RIN2: variants seen among roughly 807,000 people sequenced by gnomAD.
RIN2 encodes Ras and Rab interactor 2.
Under a neutral mutation model 78.0 loss-of-function variants are expected in RIN2, and 36 were observed. The observed-to-expected ratio is 0.46, with a 90% CI of 0.35 to 0.61. The LOEUF (loss-of-function observed/expected upper bound fraction) is 0.61. RIN2 is among the 20% of genes least tolerant of loss of function. The probability of loss-of-function intolerance (pLI) is 0.00; values close to 1 mark genes in which losing one functional copy is unlikely to be tolerated. For synonymous variants in RIN2, 466 were observed against 466.8 expected (o/e 1.00, Z 0.02); for missense variants, 1,087 against 1,159.7 (o/e 0.94, Z 0.91).
intron 2 of RIN2, among the ~76,000 whole-genome samples, chr20:19,876,621 C>A (rs1403875483): frequency 2.0e-5 from 3 of 152,068 alleles, no homozygotes; most frequent in African/African-American, 7.2e-5. Context: ...ATACCACATA[C>A]CGGCTGGGTG....
At chr20:19,820,437 CCT>C (rs1435832074) in intron 2 of RIN2, among the ~76,000 whole-genome samples, 3 of 152,138 alleles carry the variant, frequency 2.0e-5, no homozygotes, top group Non-Finnish European at 4.4e-5. Flanking sequence ...CCTTAAACCC[CCT>C]CAAAACACAG....
At chr20:19,993,790 CTTT>C (rs34144268) in intron 11 of RIN2, among the ~76,000 whole-genome samples, 8,342 of 152,186 alleles carry the variant, frequency 0.055, 669 homozygotes, top group African/African-American at 0.17. Flanking sequence ...ACATAGCATG[CTTT>C]CCTTCCTTCC....
intron 2 of RIN2, among the ~76,000 whole-genome samples, chr20:19,846,366 A>T (rs1209835382): frequency 6.6e-6 from 1 of 152,102 alleles, no homozygotes. Flanking sequence ...ATGAGCATGG[A>T]ATGTTTTTCC....
At chr20:19,855,820 A>G (rs996445569) in intron 2 of RIN2, among the ~76,000 whole-genome samples, 11 of 152,332 alleles carry the variant, frequency 7.2e-5, no homozygotes, top group African/African-American at 2.2e-4. Context: ...TCACGCTTGT[A>G]ATCCTAGCAC....
chr20:19,855,747 C>T (rs559845001), intron 2 of RIN2, among the ~76,000 whole-genome samples: 174 of 152,204 alleles, frequency 1.1e-3, no homozygotes, highest in African/African-American at 3.9e-3. Context: ...AAACTGACAC[C>T]GGAGGCTTGG....
intron 3 of RIN2, among the ~76,000 whole-genome samples, chr20:19,925,443 G>T (rs2146074871): frequency 6.6e-6 from 1 of 152,228 alleles, no homozygotes; most frequent in East Asian, 1.9e-4. Flanking sequence ...TTGAAAACTT[G>T]GATAAATTTG....
intron 3 of RIN2, among the ~76,000 whole-genome samples, chr20:19,930,418 G>A (rs778222379): frequency 7.9e-5 from 12 of 152,180 alleles, no homozygotes; most frequent in Non-Finnish European, 1.3e-4. Context: ...CAACAGCATC[G>A]GCAAGAGCGG....
chr20:19,815,082 T>C (rs1373142544), intron 2 of RIN2, among the ~76,000 whole-genome samples: 1 of 152,234 alleles, frequency 6.6e-6, no homozygotes, highest in Non-Finnish European at 1.5e-5. Flanking sequence ...CTCTATGGCT[T>C]TCTGCAGTAT....
chr20:19,934,421 G>T, intron 3 of RIN2: 1 of 959,178 alleles, frequency 1.0e-6, no homozygotes, highest in Non-Finnish European at 1.2e-6. Flanking sequence ...TGAAGGGTCA[G>T]ATGCAGGTGC....
intron 2 of RIN2, among the ~76,000 whole-genome samples, chr20:19,858,679 C>T (rs890040880): frequency 6.6e-6 from 1 of 152,184 alleles, no homozygotes; most frequent in Non-Finnish European, 1.5e-5. Context: ...GGAAATGAAA[C>T]CTCCATTTGG....
chr20:19,848,333 G>C (rs1351367960), intron 2 of RIN2, among the ~76,000 whole-genome samples: 1 of 151,964 alleles, frequency 6.6e-6, no homozygotes, highest in Non-Finnish European at 1.5e-5. Context: ...AGGAGATCGA[G>C]ACCATCCTGG....
intron 7 of RIN2, among the ~76,000 whole-genome samples, chr20:19,969,378 C>G (rs1380061205): frequency 6.6e-6 from 1 of 152,290 alleles, no homozygotes; most frequent in Non-Finnish European, 1.5e-5. Context: ...ACCCTCCCCA[C>G]CCCAGGGCCT....
At chr20:19,799,336 G>A (rs1346935636) in intron 1 of RIN2, among the ~76,000 whole-genome samples, 1 of 152,246 alleles carries the variant, frequency 6.6e-6, no homozygotes, top group Non-Finnish European at 1.5e-5. Context: ...TGGTGGGGAA[G>A]ACAGGATGCT....
Position 19,835,460 on chromosome 20 carries a change from T to C in RIN2, c.-37+35713T>C, listed in dbSNP as rs559175881. Among the ~76,000 whole-genome samples, 6 of 152,362 alleles carry C rather than the reference T, an allele frequency of 3.9e-5. No homozygotes were observed. In the East Asian group the frequency reaches 1.2e-3, roughly 29 times the overall value. ...TCTTCAATAACAATCATTATATTACTTTAAACGAGATCAGATAAAAAAGGA... is the reference window on the plus strand; with the variant it reads ...TCTTCAATAACAATCATTATATTACCTTAAACGAGATCAGATAAAAAAGGA... On this transcript the variant is annotated intron_variant, in intron 2 of 12. Transcript: ENST00000255006.
At chr20:19,841,962 G>T (rs778297747) in intron 2 of RIN2, among the ~76,000 whole-genome samples, 7 of 152,180 alleles carry the variant, frequency 4.6e-5, no homozygotes, top group Non-Finnish European at 1.0e-4. Flanking sequence ...GCCTTTTGTT[G>T]GAAGAAGATG....
intron 2 of RIN2, chr20:19,823,809 G>A: frequency 6.2e-7 from 1 of 1,603,434 alleles, no homozygotes; most frequent in Non-Finnish European, 8.5e-7. Context: ...CCTTGGCAAT[G>A]TCATCACCAA....
At chr20:19,993,401 C>T (rs748937068) in intron 11 of RIN2, among the ~76,000 whole-genome samples, 4 of 151,872 alleles carry the variant, frequency 2.6e-5, no homozygotes, top group Non-Finnish European at 4.4e-5. Flanking sequence ...TTACCACCCC[C>T]AGAATGTGCC....
intron 2 of RIN2, among the ~76,000 whole-genome samples, chr20:19,805,817 C>T (rs1010979851): frequency 1.3e-5 from 2 of 152,026 alleles, no homozygotes; most frequent in Admixed American, 6.6e-5. Context: ...TTGCTGCACC[C>T]ATCAACCCGT....
chr20:19,860,004 C>A (rs2037284746), intron 2 of RIN2, among the ~76,000 whole-genome samples: 1 of 152,148 alleles, frequency 6.6e-6, no homozygotes, highest in Non-Finnish European at 1.5e-5. Flanking sequence ...GAACTGAATC[C>A]CACTGAAAAA....
Sources: allele counts gnomAD v4.1 joint callset (sites outside exome capture counted in the v4.1 genomes callset), GRCh38; gene constraint gnomAD v4.1.1; transcripts MANE v1.5; gene names NCBI Gene and HGNC (gene_info 2026-07-23, HGNC 2026-07-21).